TMEM245: variants seen among roughly 807,000 people sequenced by gnomAD.
The protein encoded by TMEM245 is transmembrane protein 245.
Under a neutral mutation model 101.2 loss-of-function variants are expected in TMEM245, and 69 were observed. The ratio of observed to expected loss-of-function variants is 0.68; its 90% CI spans 0.56 to 0.83. The LOEUF (loss-of-function observed/expected upper bound fraction) is 0.83, where lower values mean the gene tolerates loss of function less well. Ranked by LOEUF, TMEM245 falls within the 40% of genes least tolerant of loss-of-function variation. The pLI, the probability that TMEM245 is intolerant of heterozygous loss-of-function variation, is 0.00. For synonymous variants in TMEM245, 537 were observed against 449.8 expected (o/e 1.19, Z -2.45); for missense variants, 1,075 against 1,092.8 (o/e 0.98, Z 0.23).
At position 109,073,336 on chromosome 9, in the gene TMEM245, T is replaced by C. The variant is rs1418781177; in HGVS notation, c.1532+20A>G. ...AACTAGGCCATTCATCTCTCTTCTT[T>C]TTCAAAACAATATTCTTACTTTGCC... On this transcript the variant is annotated intron_variant, in intron 9 of 17. Coordinates refer to ENST00000374586, the MANE Select transcript of TMEM245 (RefSeq NM_032012.4). The C allele has an allele frequency of 6.3e-7, 1 of 1,592,710 alleles. No homozygotes were observed. The highest frequency in any genetic ancestry group is 1.7e-5 in the Admixed American group (1 of 59,896).
At position 109,036,191 on chromosome 9, in the gene TMEM245, C is replaced by A. The variant is rs1456273510; in HGVS notation, c.2399+15G>T. ...CTGGATGATTCACTAATAAGAAATTCTGTGGCTTACTTACCCTGATATGTC... is the reference window on the plus strand; with the variant it reads ...CTGGATGATTCACTAATAAGAAATTATGTGGCTTACTTACCCTGATATGTC... On this transcript the variant is annotated intron_variant, in intron 16 of 17. Coordinates refer to ENST00000374586, the MANE Select transcript of TMEM245 (RefSeq NM_032012.4). The A allele has an allele frequency of 6.5e-7, 1 of 1,543,910 alleles. No homozygotes were observed. The highest frequency in any genetic ancestry group is 1.2e-5 in the South Asian group (1 of 80,276).
intron 9 of TMEM245, among the ~76,000 whole-genome samples, chr9:109,072,909 T>C (rs571956045): frequency 6.6e-6 from 1 of 152,340 alleles, no homozygotes; most frequent in African/African-American, 2.4e-5. Flanking sequence ...TTCCATGTTA[T>C]AGTGGAAACT....
Position 109,064,465 on chromosome 9 carries a change from TTCTTC to T in TMEM245, c.1623+7_1623+11del. On this transcript the variant is annotated splice_region_variant and intron_variant, in intron 10 of 17. Transcript: ENST00000374586. ...GAAAAGAGAAAGCCACAAAGAAAGTTTCTTCCCTTACCTTGTGAGTTATCCATTCT... is the reference window on the plus strand; with the variant it reads ...GAAAAGAGAAAGCCACAAAGAAAGTTCCTTACCTTGTGAGTTATCCATTCT... The T allele has an allele frequency of 6.2e-7, 1 of 1,603,280 alleles. No individual in the cohort carries two copies. Among genetic ancestry groups the T allele is most frequent in the South Asian group, 1.1e-5 (1 of 89,114 alleles).
At chr9:109,068,369 CAAAA>C (rs34301291) in intron 9 of TMEM245, among the ~76,000 whole-genome samples, 4 of 102,984 alleles carry the variant, frequency 3.9e-5, no homozygotes, top group Non-Finnish European at 5.9e-5. Context: ...GACACCATCT[CAAAA>C]AAAAAAAAAA....
At chr9:109,102,677 T>C (rs1000931083) in intron 3 of TMEM245, among the ~76,000 whole-genome samples, 10 of 152,262 alleles carry the variant, frequency 6.6e-5, no homozygotes, top group African/African-American at 2.4e-4. Flanking sequence ...GTATAATCTG[T>C]AGACAGTGAG....
chr9:109,064,472 C>T lies in TMEM245; in HGVS notation c.1623+5G>A. The T allele has an allele frequency of 6.2e-7, 1 of 1,610,120 alleles. No individual in the cohort carries two copies. Among genetic ancestry groups the T allele is most frequent in the Non-Finnish European group, 8.5e-7 (1 of 1,178,208 alleles). On this transcript the variant is annotated splice_donor_5th_base_variant and intron_variant, in intron 10 of 17. Coordinates refer to ENST00000374586, the MANE Select transcript of TMEM245 (RefSeq NM_032012.4). Reference sequence around the variant, plus strand: ...GAAAGCCACAAAGAAAGTTTCTTCCCTTACCTTGTGAGTTATCCATTCTCG... The same window carrying T: ...GAAAGCCACAAAGAAAGTTTCTTCCTTTACCTTGTGAGTTATCCATTCTCG...
chr9:109,098,144 G>A (rs1162802155), intron 3 of TMEM245, among the ~76,000 whole-genome samples: 1 of 152,034 alleles, frequency 6.6e-6, no homozygotes, highest in Admixed American at 6.6e-5. Context: ...TCTCTCCACA[G>A]AGCTAAGCAA....
chr9:109,049,897 C>T (rs1828619984), intron 14 of TMEM245, among the ~76,000 whole-genome samples: 1 of 152,174 alleles, frequency 6.6e-6, no homozygotes, highest in African/African-American at 2.4e-5. Context: ...TCAAGCAAGC[C>T]TCTGGCCTCA....
rs746372192 is a variant in TMEM245 at position 109,119,938 on chromosome 9, G to C, written c.-25C>G. On this transcript the variant is annotated 5_prime_UTR_variant, in exon 1 of 18. Transcript: ENST00000374586. ...TCGTTCCTCCGCCACAGCCGCCCCC[G>C]AGGGGCGGTAATGGGAGTCGGGCTA... The C allele has an allele frequency of 1.1e-5, 14 of 1,292,492 alleles. No individual in the cohort carries two copies. In the African/African-American group the frequency reaches 1.2e-4, roughly 11 times the overall value. 80.1% of individuals were successfully genotyped at this position (1,292,492 alleles called of 1,614,324 possible).
intron 10 of TMEM245, among the ~76,000 whole-genome samples, chr9:109,060,803 T>A (rs7865477): frequency 0.04 from 6,074 of 152,292 alleles, 289 homozygotes; most frequent in African/African-American, 0.11. Flanking sequence ...ATTATACATA[T>A]GTCTCATGTT....
At chr9:109,081,009 AT>A in intron 7 of TMEM245, 66 bp from the exon 8 acceptor site, 1 of 1,031,282 alleles carries the variant, frequency 9.7e-7, no homozygotes, top group Non-Finnish European at 1.5e-6. Flanking sequence ...CATATACTCA[AT>A]TGTCATAAAG....
At chr9:109,092,907 A>G (rs1317559850) in intron 4 of TMEM245, among the ~76,000 whole-genome samples, 1 of 152,176 alleles carries the variant, frequency 6.6e-6, no homozygotes, top group African/African-American at 2.4e-5. Context: ...AGGGGTCAAT[A>G]TATTAACACA....
At chr9:109,106,761 T>C (rs1481434013) in intron 2 of TMEM245, 152 bp from the exon 3 acceptor site, 3 of 579,304 alleles carry the variant, frequency 5.2e-6, no homozygotes, top group South Asian at 2.7e-5. Flanking sequence ...TTAAGTCCAT[T>C]AGATAAACTT....
At chr9:109,089,233 CA>C (rs5899834) in intron 5 of TMEM245, among the ~76,000 whole-genome samples, 33,198 of 140,316 alleles carry the variant, frequency 0.24, 4,391 homozygotes, top group Admixed American at 0.32. Context: ...GACCTTGTCT[CA>C]AAAAAAAAAA....
intron 11 of TMEM245, among the ~76,000 whole-genome samples, chr9:109,058,858 A>G (rs1178271470): frequency 6.6e-6 from 1 of 152,126 alleles, no homozygotes; most frequent in Non-Finnish European, 1.5e-5. Flanking sequence ...CTCCCACTTC[A>G]GCCTCCCAAA....
chr9:109,092,871 C>T (rs1003899093), intron 4 of TMEM245, among the ~76,000 whole-genome samples: 2 of 152,056 alleles, frequency 1.3e-5, no homozygotes, highest in Non-Finnish European at 2.9e-5. Context: ...GACAACGAGT[C>T]CAAAACAACC....
chr9:109,040,413 A>G (rs1426152357), intron 14 of TMEM245, among the ~76,000 whole-genome samples: 1 of 152,250 alleles, frequency 6.6e-6, no homozygotes, highest in African/African-American at 2.4e-5. Flanking sequence ...GCACAAATAT[A>G]TACATTCTAT....
intron 3 of TMEM245, among the ~76,000 whole-genome samples, chr9:109,102,014 G>A (rs77242138): frequency 6.6e-6 from 1 of 152,014 alleles, no homozygotes; most frequent in African/African-American, 2.4e-5. Context: ...GTCAAAAGGG[G>A]AAACCATTCT....
At chr9:109,089,881 G>C (rs889884539) in intron 5 of TMEM245, among the ~76,000 whole-genome samples, 4 of 152,120 alleles carry the variant, frequency 2.6e-5, no homozygotes, top group African/African-American at 9.7e-5. Context: ...ACAAGACTTT[G>C]CATACATGTA....
Sources: gnomAD v4.1 joint callset for allele counts (sites outside exome capture counted in the v4.1 genomes callset) on GRCh38, gnomAD v4.1.1 for gene constraint, MANE v1.5 for transcripts, NCBI Gene and HGNC (gene_info 2026-07-23, HGNC 2026-07-21) for gene names.